The following VEPH1 variants were observed in gnomAD, a reference collection of about 807,000 sequenced individuals.
The protein encoded by VEPH1 is ventricular zone-expressed PH domain-containing protein homolog 1.
Under a neutral mutation model 85.2 loss-of-function variants are expected in VEPH1, and 80 were observed. The ratio of observed to expected loss-of-function variants is 0.94; its 90% confidence interval spans 0.78 to 1.13. The LOEUF is 1.13. Ranked by LOEUF, VEPH1 falls within the 50% of genes most tolerant of loss-of-function variation. The probability of loss-of-function intolerance (pLI) is 0.00; values close to 1 mark genes in which losing one functional copy is unlikely to be tolerated. For missense variants in VEPH1, 955 were observed against 980.5 expected (o/e 0.97, Z 0.35); for synonymous variants, 297 against 348.0 (o/e 0.85, Z 1.63).
intron 2 of VEPH1, among the ~76,000 whole-genome samples, chr3:157,488,719 C>A (rs1344633522): frequency 6.6e-6 from 1 of 151,928 alleles, no homozygotes; most frequent in Admixed American, 6.6e-5. Flanking sequence ...CTCATACATA[C>A]AATACTTGCA....
chr3:157,272,591 G>A (rs1714847709), intron 12 of VEPH1, among the ~76,000 whole-genome samples: 1 of 150,294 alleles, frequency 6.7e-6, no homozygotes, highest in African/African-American at 2.5e-5. Context: ...CCTAGTAGCT[G>A]GGACCACAGG....
chr3:157,263,092 GTCTT>G (rs1713135217), intron 13 of VEPH1, among the ~76,000 whole-genome samples: 2 of 152,172 alleles, frequency 1.3e-5, no homozygotes, highest in African/African-American at 4.8e-5. Flanking sequence ...TTCCACTAGA[GTCTT>G]TCAACCTCAG....
chr3:157,463,486 G>A (rs1432071587), intron 3 of VEPH1, among the ~76,000 whole-genome samples: 2 of 152,118 alleles, frequency 1.3e-5, no homozygotes, highest in African/African-American at 4.8e-5. Context: ...CGACTTCCCT[G>A]AATGCCTTTG....
In VEPH1 at chr3:157,389,900, T is replaced by A. The variant is rs987359238; in HGVS notation, c.907-8524A>T. Among the ~76,000 whole-genome samples, 3 of 152,230 alleles carry A rather than the reference T, an allele frequency of 2.0e-5. No individual in the cohort carries two copies. In the South Asian group the frequency reaches 6.2e-4, roughly 32 times the overall value. ...GGTCTTCAGCATATTTTCCAGTTTA[T>A]CTTCCCTTCTACTTGGCTACCATGG... On this transcript the variant is annotated intron_variant, in intron 6 of 13. Coordinates refer to ENST00000362010, the MANE Select transcript of VEPH1 (RefSeq NM_001167912.2).
chr3:157,418,411 T>C (rs912955039), intron 5 of VEPH1, among the ~76,000 whole-genome samples: 20 of 152,280 alleles, frequency 1.3e-4, no homozygotes, highest in African/African-American at 4.3e-4. Context: ...CTGAAAACAG[T>C]GCCGTAACTT....
At chr3:157,327,320 T>C (rs1371748748) in intron 9 of VEPH1, among the ~76,000 whole-genome samples, 2 of 152,168 alleles carry the variant, frequency 1.3e-5, no homozygotes, top group African/African-American at 4.8e-5. Context: ...AAAGGAAAGA[T>C]TGTCTCCTAA....
intron 6 of VEPH1, among the ~76,000 whole-genome samples, chr3:157,403,436 T>C (rs987671317): frequency 6.6e-6 from 1 of 152,178 alleles, no homozygotes; most frequent in Non-Finnish European, 1.5e-5. Flanking sequence ...TTTTGCCTAT[T>C]AAAGGATCTT....
rs58451868 is a variant in VEPH1, at chr3:157,369,180, G to GAAAAAAAAAAAAAAAAAAAAAAAAAAA, written c.1128-4669_1128-4668insTTTTTTTTTTTTTTTTTTTTTTTTTTT. Among the ~76,000 whole-genome samples, 16 of 42,786 alleles carry GAAAAAAAAAAAAAAAAAAAAAAAAAAA rather than the reference G, an allele frequency of 3.7e-4. 5 individuals are homozygous for GAAAAAAAAAAAAAAAAAAAAAAAAAAA. The highest frequency in any genetic ancestry group is 5.2e-4 in the Non-Finnish European group (13 of 25,214). 28.1% of individuals were successfully genotyped at this position (42,786 alleles called of 152,430 possible). On this transcript the variant is annotated intron_variant, in intron 7 of 13. Transcript: ENST00000362010. ...ACAACAACAACAACAAAAACCAAAT[G>GAAAAAAAAAAAAAAAAAAAAAAAAAAA]AAAAAAAAAAAAAAAAAAAAAAAAC... is the stretch of plus-strand genomic sequence containing the variant.
At chr3:157,348,358 A>G (rs915490147) in intron 9 of VEPH1, among the ~76,000 whole-genome samples, 2 of 152,066 alleles carry the variant, frequency 1.3e-5, no homozygotes, top group African/African-American at 4.8e-5. Context: ...ATACTAGTTT[A>G]TATTCCCAAC....
intron 3 of VEPH1, among the ~76,000 whole-genome samples, chr3:157,470,032 T>C (rs1736771372): frequency 6.6e-6 from 1 of 152,142 alleles, no homozygotes; most frequent in Admixed American, 6.5e-5. Flanking sequence ...TCTTGGCACA[T>C]ATTGCTTTCT....
At chr3:157,445,628 T>C (rs1042068774) in intron 4 of VEPH1, among the ~76,000 whole-genome samples, 2 of 142,916 alleles carry the variant, frequency 1.4e-5, no homozygotes, top group East Asian at 2.1e-4. Flanking sequence ...TCAAAATAAG[T>C]AAATACATAA....
intron 5 of VEPH1, among the ~76,000 whole-genome samples, chr3:157,423,031 T>G (rs758992303): frequency 6.6e-6 from 1 of 152,196 alleles, no homozygotes; most frequent in Non-Finnish European, 1.5e-5. Flanking sequence ...AGCCACTTTT[T>G]CCCCTTTGGA....
At position 157,364,423 on chromosome 3, in the gene VEPH1, T is replaced by A; in HGVS notation, c.1217A>T (p.Gln406Leu). ...VTENEDHEKLQVKIQAFEDKI... is the reference protein window; with the variant it reads ...VTENEDHEKLLVKIQAFEDKI... Reference sequence around the variant, plus strand: ...GTCTTCAAAAGCCTGGATTTTAACTTGGAGTTTTTCATGGTCTTCATTTTC... The same window carrying A: ...GTCTTCAAAAGCCTGGATTTTAACTAGGAGTTTTTCATGGTCTTCATTTTC... The change falls in exon 8 of 14, where the codon CAA (glutamine) becomes CTA (leucine). Residue 406 changes from glutamine to leucine, a missense_variant. Physicochemically the swap from Gln to Leu is moderately radical, Grantham distance 113. Coordinates refer to ENST00000362010, the MANE Select transcript of VEPH1 (RefSeq NM_001167912.2). 2.5e-6 allele frequency: 4 copies of A among 1,614,072 alleles called. No individual in the cohort carries two copies. Among genetic ancestry groups the A allele is most frequent in the Non-Finnish European group, 2.5e-6 (3 of 1,179,962 alleles).
At chr3:157,313,597 AT>A in intron 11 of VEPH1, 23 bp downstream of exon 11, 1 of 1,610,876 alleles carries the variant, frequency 6.2e-7, no homozygotes, top group South Asian at 1.1e-5. Flanking sequence ...GGCCTGTAAC[AT>A]GGCCAAGGAA....
intron 4 of VEPH1, among the ~76,000 whole-genome samples, chr3:157,446,521 A>G (rs1734567901): frequency 6.6e-6 from 1 of 152,216 alleles, no homozygotes; most frequent in African/African-American, 2.4e-5. Flanking sequence ...TCTATTTACA[A>G]TTACTTGATT....
At position 157,453,507 on chromosome 3, in the gene VEPH1, G is replaced by T. The variant is rs143774042; in HGVS notation, c.529+6674C>A. 3.9e-5 allele frequency among the ~76,000 whole-genome samples: 6 copies of T among 152,266 alleles called. No individual in the cohort carries two copies. In the East Asian group the frequency reaches 1.2e-3, roughly 29 times the overall value. On this transcript the variant is annotated intron_variant, in intron 4 of 13. Transcript: ENST00000362010. ...CATGCAGTAAATTTTAGCCATTGTA[G>T]CTATTATTAATGTTATTGTAATTAT... is the stretch of plus-strand genomic sequence containing the variant.
intron 2 of VEPH1, among the ~76,000 whole-genome samples, chr3:157,474,322 A>AG (rs1181692362): frequency 1.2e-4 from 18 of 152,202 alleles, no homozygotes; most frequent in African/African-American, 4.3e-4. Flanking sequence ...CATTAAAAAA[A>AG]CAAAGTGCCT....
At chr3:157,496,696 G>A (rs1049173121) in intron 1 of VEPH1, among the ~76,000 whole-genome samples, 2 of 152,182 alleles carry the variant, frequency 1.3e-5, no homozygotes, top group Non-Finnish European at 2.9e-5. Flanking sequence ...CTATTGTTGT[G>A]AGAGCACCTC....
At chr3:157,503,432 A>C (rs1328751343), upstream of VEPH1, 1 of 152,200 alleles carries the variant, frequency 6.6e-6, no homozygotes, top group Non-Finnish European at 1.5e-5. Flanking sequence ...GCTGCCTGTC[A>C]AGCCAGTGGT....
Sources: allele counts gnomAD v4.1 joint callset (sites outside exome capture counted in the v4.1 genomes callset), GRCh38; gene constraint gnomAD v4.1.1; transcripts MANE v1.5; gene names NCBI Gene and HGNC (gene_info 2026-07-23, HGNC 2026-07-21).